Variants in CCDC102B observed in about 807,000 individuals in gnomAD.
CCDC102B encodes coiled-coil domain-containing protein 102B.
Under a neutral mutation model 57.4 loss-of-function variants are expected in CCDC102B, and 75 were observed. The ratio of observed to expected loss-of-function variants is 1.31; its 90% CI spans 1.08 to 1.58. CCDC102B has a LOEUF of 1.58. CCDC102B is among the 40% of genes most tolerant of loss of function. The pLI, the probability that CCDC102B is intolerant of heterozygous loss-of-function variation, is 0.00. For synonymous variants in CCDC102B, 206 were observed against 201.9 expected (o/e 1.02, Z -0.17); for missense variants, 636 against 582.6 (o/e 1.09, Z -0.94).
chr18:68,740,014 CACAGTCCTGT>C (rs1287820815), intron 2 of CCDC102B, among the ~76,000 whole-genome samples: 2 of 152,300 alleles, frequency 1.3e-5, no homozygotes, highest in South Asian at 4.1e-4. Flanking sequence ...GATATTGAAA[CACAGTCCTGT>C]GTTATCTCTT....
At chr18:68,846,242 ATTGAATGCATCC>A in intron 3 of CCDC102B, 59 bp from the exon 4 acceptor site, 1 of 926,678 alleles carries the variant, frequency 1.1e-6, no homozygotes, top group South Asian at 2.8e-5. Flanking sequence ...TGCCTATAAA[ATTGAATGCATCC>A]TTGAAAGTAT....
At chr18:69,022,676 T>C (rs1475019602) in intron 7 of CCDC102B, among the ~76,000 whole-genome samples, 5 of 152,172 alleles carry the variant, frequency 3.3e-5, no homozygotes, top group Admixed American at 6.5e-5. Context: ...TATCCCCTTT[T>C]ATCCTCATCC....
chr18:68,907,137 A>C (rs559853334), intron 6 of CCDC102B, among the ~76,000 whole-genome samples: 1 of 152,150 alleles, frequency 6.6e-6, no homozygotes, highest in African/African-American at 2.4e-5. Flanking sequence ...TTTATTTCTC[A>C]ACTATTTTGG....
intron 1 of CCDC102B, among the ~76,000 whole-genome samples, chr18:68,810,694 T>TG (rs1279729752): frequency 2.1e-5 from 3 of 142,618 alleles, no homozygotes; most frequent in Non-Finnish European, 4.5e-5. Flanking sequence ...TTTTTTTTTT[T>TG]TTTTTTTTTT....
In CCDC102B at chr18:68,873,948, G is replaced by A. The variant is rs542929002; in HGVS notation, c.937-721G>A. 1.8e-4 allele frequency among the ~76,000 whole-genome samples: 27 copies of A among 151,734 alleles called. No individual in the cohort carries two copies. In the East Asian group the frequency reaches 4.3e-3, roughly 24 times the overall value. On this transcript the variant is annotated intron_variant, in intron 4 of 7. Coordinates refer to ENST00000360242, the MANE Select transcript of CCDC102B (RefSeq NM_024781.3). ...AATATATGTCAATACAACAAAAACA[G>A]CATATATGTGTGCAACTACACATTT...
intron 4 of CCDC102B, among the ~76,000 whole-genome samples, chr18:68,861,326 A>AT (rs1382447414): frequency 6.7e-6 from 1 of 150,060 alleles, no homozygotes; most frequent in East Asian, 2.0e-4. Flanking sequence ...TATGTATCAT[A>AT]TTTTTCTATT....
chr18:68,997,169 G>A (rs956574092), intron 6 of CCDC102B, among the ~76,000 whole-genome samples: 4 of 152,230 alleles, frequency 2.6e-5, no homozygotes, highest in Admixed American at 2.6e-4. Context: ...GCTGAATTGT[G>A]AGTCAATTAA....
intron 1 of CCDC102B, among the ~76,000 whole-genome samples, chr18:68,812,217 A>T (rs970633814): frequency 1.3e-5 from 2 of 151,748 alleles, no homozygotes; most frequent in African/African-American, 4.8e-5. Context: ...CAACAGGAAA[A>T]TATATTTATA....
At chr18:69,035,810 T>C (rs1438033355) in intron 7 of CCDC102B, among the ~76,000 whole-genome samples, 1 of 152,178 alleles carries the variant, frequency 6.6e-6, no homozygotes, top group Non-Finnish European at 1.5e-5. Context: ...TTGCCATGGA[T>C]GCTTATTTCT....
intron 1 of CCDC102B, among the ~76,000 whole-genome samples, chr18:68,817,920 A>G (rs939919247): frequency 6.6e-6 from 1 of 152,216 alleles, no homozygotes; most frequent in Non-Finnish European, 1.5e-5. Flanking sequence ...TGGTAGGATA[A>G]CTAAAGCATG....
chr18:69,007,801 C>G (rs1412679754), intron 6 of CCDC102B, among the ~76,000 whole-genome samples: 1 of 152,202 alleles, frequency 6.6e-6, no homozygotes, highest in Non-Finnish European at 1.5e-5. Context: ...TGCCAGGGCT[C>G]TGCTTATAAA....
In CCDC102B at chr18:68,821,868, A is replaced by G. The variant is rs183203141; in HGVS notation, c.-15-14881A>G. ...ATTGTAGAGAAAAATAAAATAAAAT[A>G]TTCCAAAATAATTTCAAAACTCCCT... On this transcript the variant is annotated intron_variant, in intron 1 of 7. Coordinates refer to ENST00000360242, the MANE Select transcript of CCDC102B (RefSeq NM_024781.3). 8.2e-3 allele frequency among the ~76,000 whole-genome samples: 1,246 copies of G among 152,236 alleles called. 10 individuals carry two copies. Among genetic ancestry groups the G allele is most frequent in the Non-Finnish European group, 0.015 (994 of 68,008 alleles).
rs2035253506 is a variant in CCDC102B at position 68,787,388 on chromosome 18, G to A, written c.-66-35978G>A. On this transcript the variant is annotated intron_variant, in intron 2 of 3. Transcript: ENST00000578970. Reference sequence around the variant, plus strand: ...CCCTCTTTTTCTATTGATTGGAATAGTTTCAGAAGGAATGGTCCCAGTTCC... The same window carrying A: ...CCCTCTTTTTCTATTGATTGGAATAATTTCAGAAGGAATGGTCCCAGTTCC... Among the ~76,000 whole-genome samples, 11 of 151,516 alleles carry A rather than the reference G, an allele frequency of 7.3e-5. No individual in the cohort carries two copies. The South Asian group carries it at 2.3e-3, about 32-fold the overall frequency.
At chr18:68,760,887 C>T (rs888709540) in intron 2 of CCDC102B, among the ~76,000 whole-genome samples, 4 of 151,966 alleles carry the variant, frequency 2.6e-5, no homozygotes, top group Admixed American at 2.0e-4. Context: ...GTTTGCCTAA[C>T]CTAAATTTAT....
intron 6 of CCDC102B, among the ~76,000 whole-genome samples, chr18:68,982,364 C>A (rs969342949): frequency 2.6e-5 from 4 of 151,956 alleles, no homozygotes; most frequent in Admixed American, 6.6e-5. Flanking sequence ...ATCATCCCCA[C>A]TCTACCCTTA....
intron 1 of CCDC102B, among the ~76,000 whole-genome samples, chr18:68,828,322 C>CAA (rs58180806): frequency 0.19 from 15,111 of 80,644 alleles, 2,490 homozygotes; most frequent in Non-Finnish European, 0.25. Flanking sequence ...ACCCTATTTA[C>CAA]AAAAAAAAAA....
chr18:69,054,170 G>C lies in CCDC102B; in HGVS notation c.*33G>C. The C allele has an allele frequency of 6.4e-7, 1 of 1,554,486 alleles. No homozygotes were observed. Among genetic ancestry groups the C allele is most frequent in the Non-Finnish European group, 8.6e-7 (1 of 1,158,158 alleles). ...ACAAAATATGCTGAATTAAAGATTAGGGCCTTAAAGACATTTCCATATCCT... is the reference window on the plus strand; with the variant it reads ...ACAAAATATGCTGAATTAAAGATTACGGCCTTAAAGACATTTCCATATCCT... On this transcript the variant is annotated 3_prime_UTR_variant, in exon 8 of 8. Transcript: ENST00000360242.
chr18:68,777,593 G>T (rs1338686027), intron 2 of CCDC102B, among the ~76,000 whole-genome samples: 1 of 152,076 alleles, frequency 6.6e-6, no homozygotes, highest in Non-Finnish European at 1.5e-5. Flanking sequence ...CTTGGCATGG[G>T]TTAAAGGGGG....
chr18:68,855,879 A>G (rs2038362722), intron 4 of CCDC102B, among the ~76,000 whole-genome samples: 1 of 152,192 alleles, frequency 6.6e-6, no homozygotes, highest in South Asian at 2.1e-4. Flanking sequence ...TCCCATAGGA[A>G]AAATTCAGGT....
Sources: allele counts gnomAD v4.1 joint callset (sites outside exome capture counted in the v4.1 genomes callset), GRCh38; gene constraint gnomAD v4.1.1; transcripts MANE v1.5; gene names NCBI Gene and HGNC (gene_info 2026-07-23, HGNC 2026-07-21).